XRRA1: variants seen among roughly 807,000 people sequenced by gnomAD.
XRRA1 encodes X-ray radiation resistance-associated protein 1.
In XRRA1, 69 loss-of-function variants were observed where a neutral mutation model predicts 80.2. That is an observed-to-expected ratio of 0.86 (90% CI 0.71 to 1.05). The LOEUF is 1.05. XRRA1 is among the 50% of genes least tolerant of loss of function. XRRA1 has a pLI of 0.00. For synonymous variants in XRRA1, 348 were observed against 389.9 expected (o/e 0.89, Z 1.27); for missense variants, 967 against 976.4 (o/e 0.99, Z 0.13).
At chr11:74,945,697 T>C (rs1947365425) in intron 1 of XRRA1, among the ~76,000 whole-genome samples, 2 of 152,058 alleles carry the variant, frequency 1.3e-5, no homozygotes, top group African/African-American at 4.8e-5. Context: ...GCTGACTTCC[T>C]GGTTAGCTTT....
Position 74,884,560 on chromosome 11 carries a change from C to T in XRRA1, c.1004-21539G>A, listed in dbSNP as rs137986783. Among the ~76,000 whole-genome samples, 417 of 152,294 alleles carry T rather than the reference C, an allele frequency of 2.7e-3. 2 individuals carry two copies. The highest frequency in any genetic ancestry group is 9.8e-3 in the African/African-American group (408 of 41,566). On this transcript the variant is annotated intron_variant, in intron 10 of 18. Transcript: ENST00000684022. ...CTCCTCACCAGGCACCTATAAAAAC[C>T]CCTGCATTTCACTGCAGATCCAGCA...
intron 15 of XRRA1, 150 bp downstream of exon 15, chr11:74,847,965 T>C (rs2038731721): frequency 4.3e-6 from 3 of 690,286 alleles, no homozygotes; most frequent in Non-Finnish European, 2.4e-6. Context: ...CAGAAGAGGC[T>C]TGCAAGCTCC....
At chr11:74,908,674 T>C (rs1040647839) in intron 8 of XRRA1, among the ~76,000 whole-genome samples, 1 of 151,958 alleles carries the variant, frequency 6.6e-6, no homozygotes, top group African/African-American at 2.4e-5. Context: ...CTAGGTGGAG[T>C]AGGTGGACAC....
chr11:74,850,832 G>A (rs1011681932), intron 14 of XRRA1: 3 of 223,566 alleles, frequency 1.3e-5, no homozygotes, highest in Non-Finnish European at 2.7e-5. Context: ...ACCACGCCTG[G>A]CCCATAGCCA....
rs193001080 is a variant in XRRA1 at position 74,858,885 on chromosome 11, G to C, written c.1170+273C>G. Among the ~76,000 whole-genome samples, 44 of 152,228 alleles carry C rather than the reference G, an allele frequency of 2.9e-4. 1 individual carries two copies. Among genetic ancestry groups the C allele is most frequent in the Non-Finnish European group, 5.9e-5 (4 of 68,008 alleles). ...TCCTTATAGGTGATAAGTTGCAAAA[G>C]GGCAGAGAGGCCAAGTCTCTTTCCA... On this transcript the variant is annotated intron_variant, in intron 12 of 18. Transcript: ENST00000684022.
chr11:74,877,118 T>C (rs1035231531), intron 10 of XRRA1: 1 of 152,226 alleles, frequency 6.6e-6, no homozygotes. Flanking sequence ...ATTGCTGTAA[T>C]ATTCTGCCTA....
chr11:74,909,023 G>A (rs2055269663), intron 8 of XRRA1, among the ~76,000 whole-genome samples: 1 of 152,156 alleles, frequency 6.6e-6, no homozygotes, highest in Admixed American at 6.5e-5. Flanking sequence ...TCTATGTTCA[G>A]CATGACCCTC....
At chr11:74,844,900 G>A (rs2037622795) in intron 16 of XRRA1, among the ~76,000 whole-genome samples, 173 bp downstream of exon 16, 1 of 152,276 alleles carries the variant, frequency 6.6e-6, no homozygotes, top group Admixed American at 6.5e-5. Flanking sequence ...GTCCCAATAT[G>A]TGGGGCTTCA....
chr11:74,842,235 G>A lies in XRRA1; in HGVS notation c.*965C>T, dbSNP rs1211590358. The A allele has an allele frequency of 6.6e-6, 1 of 152,244 alleles. No individual in the cohort carries two copies. The highest frequency in any genetic ancestry group is 2.4e-5 in the African/African-American group (1 of 41,460). The allele number at this position is 152,244 out of a possible 1,614,324, so 9.4% of individuals were successfully genotyped here. A position where few individuals can be genotyped will look rare whatever the true frequency, so the allele number is the denominator to read the frequency against. ...GAAGAGCATTTTGACAAAGACAGAGGACTTGGACCAGGGCATGCCCTGTTG... is the reference window on the plus strand; with the variant it reads ...GAAGAGCATTTTGACAAAGACAGAGAACTTGGACCAGGGCATGCCCTGTTG... On this transcript the variant is annotated 3_prime_UTR_variant, in exon 19 of 19. Transcript: ENST00000684022.
At chr11:74,896,639 T>C (rs2052389195) in intron 10 of XRRA1, among the ~76,000 whole-genome samples, 1 of 152,314 alleles carries the variant, frequency 6.6e-6, no homozygotes, top group Non-Finnish European at 1.5e-5. Context: ...CCCAGTGCTG[T>C]GTTGGCTTCG....
At chr11:74,937,184 AC>A in intron 3 of XRRA1, 116 bp from the exon 4 acceptor site, 1 of 1,083,522 alleles carries the variant, frequency 9.2e-7, no homozygotes, top group South Asian at 1.7e-5. Context: ...TCTAACATGC[AC>A]CAGATACAAT....
Position 74,851,987 on chromosome 11 carries a change from A to G in XRRA1, c.1264+2T>C. 6.2e-7 allele frequency: 1 copy of G among 1,613,478 alleles called. No homozygotes were observed. Among genetic ancestry groups the G allele is most frequent in the South Asian group, 1.1e-5 (1 of 91,072 alleles). On this transcript the variant is annotated splice_donor_variant, in intron 13 of 18. Transcript: ENST00000684022. LOFTEE classifies it high-confidence loss of function. Reference sequence around the variant, plus strand: ...GAGGGGGCAGGTTTGCGGGCACTATACCTCGTGTATGGGCCACCAGAGGGT... The same window carrying G: ...GAGGGGGCAGGTTTGCGGGCACTATGCCTCGTGTATGGGCCACCAGAGGGT...
intron 10 of XRRA1, among the ~76,000 whole-genome samples, chr11:74,886,801 A>G (rs1170036244): frequency 1.3e-5 from 2 of 152,366 alleles, no homozygotes; most frequent in East Asian, 3.9e-4. Context: ...GCATTATGTT[A>G]CCCAACTTAA....
chr11:74,919,936 C>G, intron 8 of XRRA1: 1 of 300,006 alleles, frequency 3.3e-6, no homozygotes, highest in Non-Finnish European at 6.3e-6. Context: ...TTTCAAAAAT[C>G]TATAGACAGT....
chr11:74,844,955 A>G, intron 16 of XRRA1, 118 bp downstream of exon 16: 1 of 995,466 alleles, frequency 1.0e-6, no homozygotes, highest in Non-Finnish European at 1.5e-6. Flanking sequence ...GTATTTAGAC[A>G]GAGGACAGCA....
At chr11:74,858,028 A>C (rs577612637) in intron 12 of XRRA1, among the ~76,000 whole-genome samples, 4 of 152,378 alleles carry the variant, frequency 2.6e-5, no homozygotes, top group African/African-American at 9.6e-5. Context: ...AATTAACTAA[A>C]GTTATACTGC....
At chr11:74,912,623 T>C (rs568147760) in intron 8 of XRRA1, among the ~76,000 whole-genome samples, 1 of 152,356 alleles carries the variant, frequency 6.6e-6, no homozygotes, top group East Asian at 1.9e-4. Flanking sequence ...TCAATTTTTA[T>C]AATTGAATTA....
At chr11:74,896,935 C>T (rs2052464507) in intron 10 of XRRA1, among the ~76,000 whole-genome samples, 1 of 151,856 alleles carries the variant, frequency 6.6e-6, no homozygotes, top group Non-Finnish European at 1.5e-5. Context: ...ACAAATAAGC[C>T]CAGATTATGA....
At chr11:74,943,792 A>G (rs2140029894) in intron 2 of XRRA1, among the ~76,000 whole-genome samples, 2 of 151,612 alleles carry the variant, frequency 1.3e-5, no homozygotes, top group Middle Eastern at 6.8e-3. Context: ...ATCAGATTCA[A>G]CTCCAGGCTA....
Sources: gnomAD v4.1 joint callset for allele counts (sites outside exome capture counted in the v4.1 genomes callset) on GRCh38, gnomAD v4.1.1 for gene constraint, MANE v1.5 for transcripts, NCBI Gene and HGNC (gene_info 2026-07-23, HGNC 2026-07-21) for gene names.